The following MTMR4 variants were observed in gnomAD, a reference collection of about 807,000 sequenced individuals.
MTMR4 encodes the protein myotubularin related protein 4.
A neutral mutation model predicts 125.5 loss-of-function variants in MTMR4; 30 were observed. That is an observed-to-expected ratio of 0.24 (90% CI 0.18 to 0.32). The LOEUF (loss-of-function observed/expected upper bound fraction) is 0.32. MTMR4 is among the 10% of genes least tolerant of loss of function. MTMR4 has a pLI of 1.00. For missense variants in MTMR4, 1,039 were observed against 1,511.5 expected (o/e 0.69, Z 5.18); for synonymous variants, 498 against 564.5 (o/e 0.88, Z 1.67).
upstream of MTMR4, chr17:58,516,743 C>G: frequency 3.6e-6 from 3 of 822,004 alleles, no homozygotes; most frequent in Non-Finnish European, 6.1e-6. Flanking sequence ...ACAGAGACTC[C>G]AGTCTCTCCA....
At chr17:58,501,299 C>G (rs1009091133) in intron 14 of MTMR4, among the ~76,000 whole-genome samples, 7 of 152,064 alleles carry the variant, frequency 4.6e-5, no homozygotes, top group African/African-American at 1.5e-4. Flanking sequence ...TCACTCGACG[C>G]CAGGAATTTA....
intron 9 of MTMR4, among the ~76,000 whole-genome samples, chr17:58,506,435 T>C (rs1975780429): frequency 6.6e-6 from 1 of 152,218 alleles, no homozygotes; most frequent in Non-Finnish European, 1.5e-5. Flanking sequence ...GCCATCCGCC[T>C]GCCTCTGCCT....
Position 58,503,805 on chromosome 17 carries a change from T to C in MTMR4, c.1792A>G (p.Met598Val), listed in dbSNP as rs1225296032. The C allele has an allele frequency of 5.6e-6, 9 of 1,613,996 alleles. No homozygotes were observed. The highest frequency in any genetic ancestry group is 6.8e-6 in the Non-Finnish European group (8 of 1,180,024). Reference sequence around the variant, plus strand: ...GCCACTGGGGAAAGGTAAAGATCCATGTTTTCTTCCCCAAGTGTGCATGGA... The same window carrying C: ...GCCACTGGGGAAAGGTAAAGATCCACGTTTTCTTCCCCAAGTGTGCATGGA... ...SSPCTLGEEN[M>V]DLYLSPVAQS... Residue 598 changes from methionine (M) to valine (V), a missense_variant, in exon 14 of 18, where the codon ATG (methionine) becomes GTG (valine). By Grantham distance (21) the Met-to-Val change is conservative. Transcript: ENST00000682306.
intron 14 of MTMR4, among the ~76,000 whole-genome samples, chr17:58,501,917 G>A (rs1975644447): frequency 6.6e-6 from 1 of 151,632 alleles, no homozygotes; most frequent in African/African-American, 2.4e-5. Context: ...AAATTAGCTG[G>A]GCATGGTGGC....
rs1333967646 is a variant in MTMR4 at position 58,491,667 on chromosome 17, C to T, written c.3626G>A (p.Ser1209Asn). The change falls in exon 18 of 18, where the codon AGT becomes AAT. Residue 1209 changes from serine to asparagine, a missense_variant. By Grantham distance (46) the Ser-to-Asn change is conservative. Coordinates refer to ENST00000682306, the MANE Select transcript of MTMR4 (RefSeq NM_001378067.1). ...QLKKPIATASS is the reference protein window; with the variant it reads ...QLKKPIATASN ...GGACAGGTTTCTCCCCGGCATTCAACTGGAAGCTGTAGCAATGGGTTTCTT... is the reference window on the plus strand; with the variant it reads ...GGACAGGTTTCTCCCCGGCATTCAATTGGAAGCTGTAGCAATGGGTTTCTT... 1.9e-6 allele frequency: 3 copies of T among 1,612,954 alleles called. No individual in the cohort carries two copies.
At chr17:58,492,437 G>T in intron 17 of MTMR4, 74 bp downstream of exon 17, 1 of 1,323,514 alleles carries the variant, frequency 7.6e-7, no homozygotes, top group Non-Finnish European at 1.1e-6. Context: ...CCAAGGTGTT[G>T]GCATTACAGG....
chr17:58,514,137 G>T, intron 1 of MTMR4: 1 of 218,556 alleles, frequency 4.6e-6, no homozygotes, highest in Non-Finnish European at 7.8e-6. Flanking sequence ...GTGGCTGCGG[G>T]GCCAGGATGG....
At chr17:58,505,720 T>C (rs899580248) in intron 9 of MTMR4, 137 bp from the exon 10 acceptor site, 67 of 493,360 alleles carry the variant, frequency 1.4e-4, no homozygotes, top group Admixed American at 9.3e-4. Flanking sequence ...ACAGCCTGAC[T>C]AACACAGTGA....
Position 58,496,165 on chromosome 17 carries a change from C to G in MTMR4, c.2019G>C (p.Val673=), listed in dbSNP as rs761524099. The change falls in exon 15 of 18, where the codon GTG becomes GTC. Residue 673 remains valine (V), a synonymous_variant. Transcript: ENST00000682306. The part of the protein sequence containing the change: ...SNPEGSETSF[V]DSGVGGPQQT... ...GCTGAGGCCCTCCTACCCCAGAGTC[C>G]ACAAAGCTTGTCTCTGATCCCTCAG... The G allele has an allele frequency of 4.3e-6, 7 of 1,614,036 alleles. No homozygotes were observed. In the African/African-American group the frequency reaches 9.3e-5, roughly 22 times the overall value.
chr17:58,508,225 C>T lies in MTMR4; in HGVS notation c.643G>A (p.Asp215Asn). The change falls in exon 7 of 18, where the codon GAC becomes AAC. Residue 215 changes from aspartate (D) to asparagine (N), a missense_variant. Asp to Asn is a conservative substitution (Grantham distance 23). This residue lies in a region of MTMR4 where 202 missense variants were observed against 311.9 expected (regional missense o/e 0.65). Transcript: ENST00000682306. The surrounding 1 kb of genome is among the most constrained non-coding windows in gnomAD (Gnocchi z 4.8). ...GAAGCCACGTTCTCCAGCTCTTTGTCAGTGATCCACACAGGAACCAGCAGC... is the reference window on the plus strand; with the variant it reads ...GAAGCCACGTTCTCCAGCTCTTTGTTAGTGATCCACACAGGAACCAGCAGC... The part of the protein sequence containing the change: ...QKLLVPVWIT[D>N]KELENVASFR... 6.2e-7 allele frequency: 1 copy of T among 1,614,018 alleles called. No individual in the cohort carries two copies. The highest frequency in any genetic ancestry group is 8.5e-7 in the Non-Finnish European group (1 of 1,180,020).
intron 14 of MTMR4, among the ~76,000 whole-genome samples, chr17:58,502,680 CA>C (rs374722364): frequency 1.6e-4 from 25 of 151,974 alleles, no homozygotes; most frequent in African/African-American, 6.0e-4. Context: ...GCAGAATATG[CA>C]AAAAAGTAAA....
intron 4 of MTMR4, among the ~76,000 whole-genome samples, chr17:58,510,214 A>G (rs1227092120): frequency 6.6e-6 from 1 of 152,170 alleles, no homozygotes; most frequent in Non-Finnish European, 1.5e-5. Flanking sequence ...CCTCAAAGTA[A>G]AAGCCAGTCT....
At chr17:58,501,547 A>T (rs1435007503) in intron 14 of MTMR4, among the ~76,000 whole-genome samples, 2 of 151,826 alleles carry the variant, frequency 1.3e-5, no homozygotes, top group Non-Finnish European at 2.9e-5. Context: ...ATATACACAT[A>T]TATACACGTA....
At chr17:58,516,137 A>C (rs535027463), upstream of MTMR4, among the ~76,000 whole-genome samples, 1 of 152,374 alleles carries the variant, frequency 6.6e-6, no homozygotes, top group Non-Finnish European at 1.5e-5. Context: ...GAACTAGAGA[A>C]GCCCCACAGT....
intron 16 of MTMR4, 26 bp downstream of exon 16, chr17:58,492,816 C>G (rs932880083): frequency 1.3e-6 from 2 of 1,583,172 alleles, no homozygotes; most frequent in Admixed American, 1.7e-5. Flanking sequence ...CACGTAAGTA[C>G]CCACCACATA....
Position 58,494,967 on chromosome 17 carries a change from G to T in MTMR4, c.3217C>A (p.Pro1073Thr), listed in dbSNP as rs1050243492. 2 of 1,614,068 alleles carry T rather than the reference G, an allele frequency of 1.2e-6. No homozygotes were observed. Among genetic ancestry groups the T allele is most frequent in the African/African-American group, 2.7e-5 (2 of 74,946 alleles). Residue 1073 changes from proline to threonine, a missense_variant, in exon 15 of 18, where the codon CCA becomes ACA. This residue lies in a region of MTMR4 where 619 missense variants were observed against 714.5 expected (regional missense o/e 0.87). Transcript: ENST00000682306. ...RLDIRHCCAP[P>T]AEPPMDYEDD... is the part of the protein sequence containing the mutation. ...TCATAGTCCATGGGGGGCTCTGCTG[G>T]AGGGGCACAGCAGTGACGGATGTCC... is the stretch of plus-strand genomic sequence containing the variant.
chr17:58,507,033 T>C, intron 8 of MTMR4, 90 bp downstream of exon 8: 1 of 1,575,656 alleles, frequency 6.3e-7, no homozygotes, highest in Non-Finnish European at 8.7e-7. Flanking sequence ...TGTTGTCATC[T>C]TCCCAGACTC....
intron 17 of MTMR4, 80 bp downstream of exon 17, chr17:58,492,431 G>A (rs1975337736): frequency 1.2e-5 from 15 of 1,252,402 alleles, no homozygotes; most frequent in Non-Finnish European, 1.7e-5. Context: ...GGCCTCCCAA[G>A]GTGTTGGCAT....
At chr17:58,503,699 GC>G in intron 14 of MTMR4, 44 bp downstream of exon 14, 1 of 1,560,898 alleles carries the variant, frequency 6.4e-7, no homozygotes. Context: ...AACAGTTACT[GC>G]CTTCCTAGTG....
Sources: allele counts gnomAD v4.1 joint callset (sites outside exome capture counted in the v4.1 genomes callset), GRCh38; gene constraint gnomAD v4.1.1; regional missense constraint gnomAD v4.1.1; non-coding constraint Gnocchi (gnomAD v3.1); transcripts MANE v1.5; gene names NCBI Gene and HGNC (gene_info 2026-07-23, HGNC 2026-07-21).